PCK1: variants seen among roughly 807,000 people sequenced by gnomAD.
PCK1 encodes phosphoenolpyruvate carboxykinase 1, also known as phosphoenolpyruvate carboxykinase, cytosolic [GTP].
PCK1 carries 44 observed loss-of-function variants against 50.3 expected under a neutral mutation model. The observed-to-expected ratio is 0.87, with a 90% CI of 0.69 to 1.12. The LOEUF (loss-of-function observed/expected upper bound fraction) is 1.12. Ranked by LOEUF, PCK1 falls within the 50% of genes most tolerant of loss-of-function variation. The pLI is 0.00. For missense variants in PCK1, 790 were observed against 815.0 expected (o/e 0.97, Z 0.37); for synonymous variants, 332 against 314.3 (o/e 1.06, Z -0.59).
chr20:57,565,931 A>T lies in PCK1; in HGVS notation c.*127A>T. On this transcript the variant is annotated 3_prime_UTR_variant, in exon 10 of 10. Transcript: ENST00000319441. ...ATAATCATCACCACACCGTGAGCAG[A>T]TCTGAAAGGCACACTTTGATTTTTT... The T allele has an allele frequency of 1.5e-6, 1 of 654,054 alleles. No homozygotes were observed. The highest frequency in any genetic ancestry group is 2.6e-6 in the Non-Finnish European group (1 of 391,880). The allele number at this position is 654,054 out of a possible 1,614,324, so 40.5% of individuals were successfully genotyped here. A position where few individuals can be genotyped will look rare whatever the true frequency, so the allele number is the denominator to read the frequency against.
Position 57,564,492 on chromosome 20 carries a change from T to A in PCK1, c.1197T>A (p.Cys399Ter), listed in dbSNP as rs771553762. 1.6e-5 allele frequency: 26 copies of A among 1,614,090 alleles called. No homozygotes were observed. The highest frequency in any genetic ancestry group is 2.2e-5 in the Non-Finnish European group (26 of 1,180,048). ...TTCTCTGTCTTATAGGGGAACCTTG[T>A]GCCCACCCCAACTCGAGGTTCTGCA... is the stretch of plus-strand genomic sequence containing the variant. ...KEWSSEDGEP[C>*]AHPNSRFCTP... Residue 399 changes from cysteine (C) to a stop codon, truncating the protein, a stop_gained, in exon 8 of 10, where the codon TGT becomes TGA. Transcript: ENST00000319441. LOFTEE classifies it high-confidence loss of function.
intron 5 of PCK1, 163 bp downstream of exon 5, chr20:57,563,378 C>T (rs1451951667): frequency 4.2e-6 from 3 of 717,980 alleles, no homozygotes; most frequent in Admixed American, 2.9e-5. Context: ...ATATACATCG[C>T]TTTTGAAGGC....
chr20:57,561,343 G>A lies in PCK1; in HGVS notation c.-40-29G>A, dbSNP rs376677819. On this transcript the variant is annotated intron_variant, in intron 1 of 9. Transcript: ENST00000319441. ...TTTGAAGGTGTCTGTTGTTGTTTTT[G>A]TTCAGGACGCTTGCGTTTTCTATTT... 1.1e-5 allele frequency: 11 copies of A among 1,008,924 alleles called. No homozygotes were observed. In the African/African-American group the frequency reaches 1.6e-4, roughly 14 times the overall value. The allele number at this position is 1,008,924 out of a possible 1,614,324, so 62.5% of individuals were successfully genotyped here.
Position 57,563,642 on chromosome 20 carries a change from C to G in PCK1, c.876C>G (p.Asn292Lys), listed in dbSNP as rs1243174353. 10 of 1,613,426 alleles carry G rather than the reference C, an allele frequency of 6.2e-6. No homozygotes were observed. In the Admixed American group the frequency reaches 1.3e-4, roughly 22 times the overall value. Residue 292 changes from asparagine (N) to lysine (K), a missense_variant, in exon 6 of 10, where the codon AAC (asparagine) becomes AAG (lysine). Coordinates refer to ENST00000319441, the MANE Select transcript of PCK1 (RefSeq NM_002591.4). ...AAFPSACGKT[N>K]LAMMNPSLPG... ...TTCCCAGCGCCTGCGGGAAGACCAA[C>G]CTGGCCATGATGAACCCCAGCCTCC...
chr20:57,565,478 A>C lies in PCK1; in HGVS notation c.1543A>C (p.Asn515His). ...CAAACTGCCCAAGATCTTCCATGTC[A>C]ACTGGTTCCGGAAGGACAAGGAAGG... ...AAKLPKIFHVNWFRKDKEGKF... is the reference protein window; with the variant it reads ...AAKLPKIFHVHWFRKDKEGKF... The change falls in exon 10 of 10, where the codon AAC becomes CAC. Residue 515 changes from asparagine (N) to histidine (H), a missense_variant. Transcript: ENST00000319441. 6.2e-7 allele frequency: 1 copy of C among 1,614,174 alleles called. No homozygotes were observed. The highest frequency in any genetic ancestry group is 1.1e-5 in the South Asian group (1 of 91,078).
rs373113903 is a variant in PCK1, at chr20:57,562,219, G to A, written c.373G>A (p.Ala125Thr). 1.8e-5 allele frequency: 29 copies of A among 1,614,050 alleles called. No individual in the cohort carries two copies. The African/African-American group carries it at 3.2e-4, about 18-fold the overall frequency. ...RWMSEEDFEK[A>T]FNARFPGCMK... ...GATGTCAGAGGAGGATTTTGAGAAA[G>A]CGTTCAATGCCAGGTTCCCAGGGTG... Residue 125 changes from alanine (A) to threonine (T), a missense_variant, in exon 3 of 10, where the codon GCG (alanine) becomes ACG (threonine). Transcript: ENST00000319441.
intron 6 of PCK1, 71 bp from the exon 7 acceptor site, chr20:57,564,098 G>A: frequency 3.2e-6 from 3 of 947,694 alleles, no homozygotes; most frequent in East Asian, 4.9e-5. Context: ...AATTAGTCCG[G>A]CAATATATAA....
rs1411103055 is a variant in PCK1 at position 57,565,748 on chromosome 20, C to G, written c.1813C>G (p.Pro605Ala). 2.5e-6 allele frequency: 4 copies of G among 1,613,408 alleles called. No individual in the cohort carries two copies. Among genetic ancestry groups the G allele is most frequent in the Non-Finnish European group, 3.4e-6 (4 of 1,179,924 alleles). Residue 605 changes from proline to alanine, a missense_variant, in exon 10 of 10, where the codon CCC (proline) becomes GCC (alanine). Physicochemically the swap from Pro to Ala is conservative, Grantham distance 27. Coordinates refer to ENST00000319441, the MANE Select transcript of PCK1 (RefSeq NM_002591.4). ...GGAGGATCAAGTCAATGCCGACCTC[C>G]CCTGTGAAATCGAGAGAGAGATCCT... is the stretch of plus-strand genomic sequence containing the variant. The part of the protein sequence containing the change: ...YLEDQVNADL[P>A]CEIEREILAL...
intron 6 of PCK1, 59 bp downstream of exon 6, chr20:57,563,786 C>A (rs774262797): frequency 7.5e-5 from 102 of 1,358,488 alleles, no homozygotes; most frequent in Admixed American, 2.2e-4. Context: ...CGTTGGCCTT[C>A]GAAACATGTC....
rs61760966 is a variant in PCK1, at chr20:57,563,630, C to T, written c.864C>T (p.Cys288=). The T allele has an allele frequency of 5.9e-4, 947 of 1,612,054 alleles. 3 individuals carry two copies. In the African/African-American group the frequency reaches 9.1e-3, roughly 16 times the overall value. ...KYLAAAFPSA[C]GKTNLAMMNP... is the part of the protein sequence containing the mutation. The stretch of plus-strand genomic sequence containing the variant: ...TGGCGGCCGCATTTCCCAGCGCCTG[C>T]GGGAAGACCAACCTGGCCATGATGA... The change falls in exon 6 of 10, where the codon TGC becomes TGT. Residue 288 remains cysteine (C), a synonymous_variant. Coordinates refer to ENST00000319441, the MANE Select transcript of PCK1 (RefSeq NM_002591.4).
At chr20:57,564,702 C>A in intron 8 of PCK1, 89 bp downstream of exon 8, 1 of 1,213,768 alleles carries the variant, frequency 8.2e-7, no homozygotes, top group Non-Finnish European at 1.2e-6. Flanking sequence ...ATGACCTTGT[C>A]AGAGGGTGCC....
chr20:57,563,275 C>T (rs1310605515), intron 5 of PCK1, 60 bp downstream of exon 5: 1 of 1,475,898 alleles, frequency 6.8e-7, no homozygotes, highest in East Asian at 2.3e-5. Context: ...CAGAAACAAA[C>T]AGCATTACAG....
At chr20:57,562,427 G>A in intron 3 of PCK1, 175 bp downstream of exon 3, 1 of 658,064 alleles carries the variant, frequency 1.5e-6, no homozygotes, top group Non-Finnish European at 2.6e-6. Context: ...TGCTTTTACA[G>A]ACTGTCTTAT....
intron 5 of PCK1, 48 bp from the exon 6 acceptor site, chr20:57,563,517 C>T (rs750388522): frequency 1.6e-5 from 22 of 1,398,634 alleles, no homozygotes; most frequent in East Asian, 6.9e-5. Context: ...GTACCAACCT[C>T]GGGGAGAAGG....
At position 57,564,614 on chromosome 20, in the gene PCK1, G is replaced by A. The variant is rs2146530100; in HGVS notation, c.1318+1G>A. The A allele has an allele frequency of 6.3e-7, 1 of 1,584,274 alleles. No individual in the cohort carries two copies. Among genetic ancestry groups the A allele is most frequent in the East Asian group, 2.2e-5 (1 of 44,612 alleles). On this transcript the variant is annotated splice_donor_variant, in intron 8 of 9. Transcript: ENST00000319441. LOFTEE classifies it high-confidence loss of function. The stretch of plus-strand genomic sequence containing the variant: ...ATCTTTGGAGGCCGTAGACCTGCTG[G>A]TGAGGCTCTCCTTCATTTAGGCTGG...
At position 57,562,353 on chromosome 20, in the gene PCK1, C is replaced by T. The variant is rs983948783; in HGVS notation, c.406+101C>T. The T allele has an allele frequency of 1.2e-5, 12 of 983,164 alleles. No individual in the cohort carries two copies. In the East Asian group the frequency reaches 2.0e-4, roughly 16 times the overall value. 60.9% of individuals were successfully genotyped at this position (983,164 alleles called of 1,614,324 possible). ...CAAACAATAATGGAAGCTCCCACCACCTCAGATGTCTTTCAGTTCCATACA... is the reference window on the plus strand; with the variant it reads ...CAAACAATAATGGAAGCTCCCACCATCTCAGATGTCTTTCAGTTCCATACA... On this transcript the variant is annotated intron_variant, in intron 3 of 9. Coordinates refer to ENST00000319441, the MANE Select transcript of PCK1 (RefSeq NM_002591.4).
rs1177287592 is a variant in PCK1, at chr20:57,565,425, G to A, written c.1490G>A (p.Trp497Ter). The change falls in exon 10 of 10, where the codon TGG becomes TAG. Residue 497 changes from tryptophan to a stop codon, truncating the protein, a stop_gained. Transcript: ENST00000319441. LOFTEE classifies it low-confidence loss of function (END_TRUNC). ...AACTTCGGCAAATACCTGGCCCACT[G>A]GCTTAGCATGGCCCAGCACCCAGCA... is the stretch of plus-strand genomic sequence containing the variant. ...GYNFGKYLAHWLSMAQHPAAK... is the reference protein window; with the variant it reads ...GYNFGKYLAH The A allele has an allele frequency of 1.2e-6, 2 of 1,614,140 alleles. No homozygotes were observed. The highest frequency in any genetic ancestry group is 1.7e-6 in the Non-Finnish European group (2 of 1,179,966).
intron 2 of PCK1, 99 bp downstream of exon 2, chr20:57,561,734 T>G: frequency 1.2e-6 from 1 of 802,704 alleles, no homozygotes; most frequent in African/African-American, 1.7e-5. Flanking sequence ...GGCCTTCGGG[T>G]AGTTTCAGAC....
rs868481009 is a variant in PCK1, at chr20:57,566,908, G to T, written c.*1104G>T. 10 of 152,192 alleles carry T rather than the reference G, an allele frequency of 6.6e-5. No homozygotes were observed. The highest frequency in any genetic ancestry group is 2.4e-4 in the African/African-American group (10 of 41,452). 9.4% of individuals were successfully genotyped at this position (152,192 alleles called of 1,614,324 possible). On this transcript the variant is annotated 3_prime_UTR_variant, in exon 10 of 10. Transcript: ENST00000319441. ...CGGGGGAGCAGAGGAAGACAAGTGA[G>T]AAGGAAAAGGGGACAGGATCTGGGT...
Sources: allele counts gnomAD v4.1 joint callset, GRCh38; gene constraint gnomAD v4.1.1; transcripts MANE v1.5; gene names NCBI Gene and HGNC (gene_info 2026-07-23, HGNC 2026-07-21).